Variants in DIXDC1 observed in about 807,000 individuals in gnomAD.
DIXDC1 encodes dixin.
A neutral mutation model predicts 103.1 loss-of-function variants in DIXDC1; 64 were observed. The ratio of observed to expected loss-of-function variants is 0.62; its 90% CI spans 0.51 to 0.76. The LOEUF is 0.76. Among genes scored for constraint, DIXDC1 ranks in the 30% least tolerant of loss-of-function variants. The pLI is 0.00. For missense variants in DIXDC1, 759 were observed against 834.2 expected, an observed-to-expected ratio of 0.91 and a Z score of 1.11; for synonymous variants, 266 against 298.5, an observed-to-expected ratio of 0.89 and a Z score of 1.12.
intron 2 of DIXDC1, among the ~76,000 whole-genome samples, chr11:111,967,768 T>G (rs1859786915): frequency 6.6e-6 from 1 of 152,250 alleles, no homozygotes; most frequent in Non-Finnish European, 1.5e-5. Context: ...AACCAGATTA[T>G]GTCACTCCCT....
intron 1 of DIXDC1, among the ~76,000 whole-genome samples, chr11:111,942,278 G>A (rs1555168941): frequency 6.6e-6 from 1 of 152,214 alleles, no homozygotes; most frequent in East Asian, 1.9e-4. Flanking sequence ...ATGTGGAGCA[G>A]TGATAGGGCA....
Position 112,017,910 on chromosome 11 carries a change from A to G in DIXDC1, c.1971+25A>G, listed in dbSNP as rs1438425100. On this transcript the variant is annotated intron_variant, in intron 19 of 19. Transcript: ENST00000440460. This position sits in a 1 kb window ranked among gnomAD's most constrained non-coding sequence, Gnocchi z 4.0. ...GGTAAAGAATCTGTGGGGAGTCTGTATGGTATTATTGGTCCTTTCTGAACC... is the reference window on the plus strand; with the variant it reads ...GGTAAAGAATCTGTGGGGAGTCTGTGTGGTATTATTGGTCCTTTCTGAACC... 7 of 1,567,594 alleles carry G rather than the reference A, an allele frequency of 4.5e-6. No individual in the cohort carries two copies. The highest frequency in any genetic ancestry group is 6.1e-6 in the Non-Finnish European group (7 of 1,148,588).
chr11:111,968,595 T>C lies in DIXDC1; in HGVS notation c.273T>C (p.Phe91=). The change falls in exon 3 of 20, where the codon TTT becomes TTC. Residue 91 remains phenylalanine, a synonymous_variant. Transcript: ENST00000440460. The part of the protein sequence containing the change: ...MKNNVEKVLQ[F]VASKKIRMHQ... ...ATAATGTGGAGAAAGTGCTACAGTT[T>C]GTGGCCTCTAAAAAGATTCGTATGC... The C allele has an allele frequency of 6.2e-7, 1 of 1,612,062 alleles. No homozygotes were observed. The highest frequency in any genetic ancestry group is 8.5e-7 in the Non-Finnish European group (1 of 1,179,048).
chr11:111,968,662 GT>G (rs1859813362), intron 3 of DIXDC1, 24 bp downstream of exon 3: 1 of 1,597,894 alleles, frequency 6.3e-7, no homozygotes, highest in Admixed American at 1.7e-5. Context: ...CACATCCTTG[GT>G]GCATGAGTAT....
chr11:111,994,400 C>CATATAT lies in DIXDC1; in HGVS notation c.1438-610_1438-605dup, dbSNP rs587665197. Among the ~76,000 whole-genome samples the CATATAT allele has an allele frequency of 6.8e-3, 1,022 of 149,988 alleles. 5 individuals are homozygous for CATATAT. Among genetic ancestry groups the CATATAT allele is most frequent in the Middle Eastern group, 0.052 (15 of 286 alleles). On this transcript the variant is annotated intron_variant, in intron 14 of 19. Transcript: ENST00000440460. Reference sequence around the variant, plus strand: ...AAAAAACAAAACAAAACAAAACATACATATATATATATATTCATACATACA... The same window carrying CATATAT: ...AAAAAACAAAACAAAACAAAACATACATATATATATATATATATATTCATACATACA...
intron 2 of DIXDC1, among the ~76,000 whole-genome samples, chr11:111,930,500 A>G (rs1965975292): frequency 6.6e-6 from 1 of 152,184 alleles, no homozygotes; most frequent in Non-Finnish European, 1.5e-5. Flanking sequence ...AATTTTTAAC[A>G]TGCGATCATA....
chr11:111,982,232 G>A, intron 6 of DIXDC1, 107 bp from the exon 7 acceptor site: 1 of 1,281,918 alleles, frequency 7.8e-7, no homozygotes, highest in Admixed American at 2.6e-5. Flanking sequence ...ATGAGAACAG[G>A]TTCAGAACGC....
Position 111,995,457 on chromosome 11 carries a change from A to G in DIXDC1, c.1582A>G (p.Ser528Gly). 2.5e-6 allele frequency: 4 copies of G among 1,613,864 alleles called. No individual in the cohort carries two copies. Among genetic ancestry groups the G allele is most frequent in the Non-Finnish European group, 3.4e-6 (4 of 1,179,888 alleles). ...DALRSLRNSF[S>G]GHDPQHHTID... ...TCTCCGCAGCCTGCGCAACAGCTTC[A>G]GTGGCCACGATCCTCAGCACCACAC... Residue 528 changes from serine (S) to glycine (G), a missense_variant, in exon 16 of 20, where the codon AGT becomes GGT. Ser to Gly is a moderately conservative substitution (Grantham distance 56). Coordinates refer to ENST00000440460, the MANE Select transcript of DIXDC1 (RefSeq NM_001037954.4).
chr11:111,971,701 AGTG>A (rs1265806423), intron 3 of DIXDC1, among the ~76,000 whole-genome samples: 29 of 150,824 alleles, frequency 1.9e-4, no homozygotes, highest in African/African-American at 6.9e-4. Context: ...TCAACAGTGC[AGTG>A]AATAAATAAA....
chr11:112,005,118 A>T (rs1555176462), intron 17 of DIXDC1, among the ~76,000 whole-genome samples: 1 of 152,240 alleles, frequency 6.6e-6, no homozygotes, highest in Non-Finnish European at 1.5e-5. Context: ...TGTAGTGAAA[A>T]TGTTGATAAC....
chr11:111,987,120 C>T (rs1355430345), intron 9 of DIXDC1, among the ~76,000 whole-genome samples, 196 bp downstream of exon 9: 1 of 151,884 alleles, frequency 6.6e-6, no homozygotes, highest in Non-Finnish European at 1.5e-5. Flanking sequence ...TGTGCTGGCA[C>T]ACGTCTGTAG....
chr11:111,936,690 T>G (rs184583568), upstream of DIXDC1, among the ~76,000 whole-genome samples: 993 of 152,314 alleles, frequency 6.5e-3, 9 homozygotes, highest in Non-Finnish European at 7.9e-3. Context: ...CTTTCTTATT[T>G]CTTTCCCTTC....
rs1162050196 is a variant in DIXDC1, at chr11:112,017,717, A to C, written c.1863-60A>C. ...GCAGGGGGCTGTGTTTAAAGTTAACATCTTATCTTTCCAGCTATTGATCAA... is the reference window on the plus strand; with the variant it reads ...GCAGGGGGCTGTGTTTAAAGTTAACCTCTTATCTTTCCAGCTATTGATCAA... On this transcript the variant is annotated intron_variant, in intron 18 of 19. Coordinates refer to ENST00000440460, the MANE Select transcript of DIXDC1 (RefSeq NM_001037954.4). This position sits in a 1 kb window ranked among gnomAD's most constrained non-coding sequence, Gnocchi z 4.0. 3.5e-6 allele frequency: 5 copies of C among 1,430,540 alleles called. No individual in the cohort carries two copies. The African/African-American group carries it at 7.0e-5, about 20-fold the overall frequency. The allele number at this position is 1,430,540 out of a possible 1,614,324, so 88.6% of individuals were successfully genotyped here. A position where few individuals can be genotyped will look rare whatever the true frequency, so the allele number is the denominator to read the frequency against.
At chr11:112,009,319 C>G (rs1283490477) in intron 17 of DIXDC1, among the ~76,000 whole-genome samples, 3 of 152,054 alleles carry the variant, frequency 2.0e-5, no homozygotes, top group Non-Finnish European at 4.4e-5. Context: ...TAATTAATAG[C>G]CTACCAACCA....
At chr11:111,990,081 C>T (rs376396968) in intron 10 of DIXDC1, among the ~76,000 whole-genome samples, 34 of 145,678 alleles carry the variant, frequency 2.3e-4, no homozygotes, top group African/African-American at 7.8e-4. Context: ...TGAGCCACCG[C>T]GCCCGGCCTT....
chr11:112,007,680 A>G (rs1033357439), intron 17 of DIXDC1, among the ~76,000 whole-genome samples: 9 of 152,246 alleles, frequency 5.9e-5, no homozygotes, highest in African/African-American at 1.2e-4. Context: ...AGAGTTTTCA[A>G]CGCAAAATTT....
chr11:111,999,285 A>G (rs1860993229), intron 17 of DIXDC1, among the ~76,000 whole-genome samples: 1 of 152,240 alleles, frequency 6.6e-6, no homozygotes. Flanking sequence ...GATTTAAAAT[A>G]AAACAGTAGA....
At chr11:111,951,402 A>G (rs1592555305) in intron 1 of DIXDC1, among the ~76,000 whole-genome samples, 1 of 152,334 alleles carries the variant, frequency 6.6e-6, no homozygotes, top group South Asian at 2.1e-4. Flanking sequence ...ATAAATATGT[A>G]CACCTACTGT....
intron 17 of DIXDC1, among the ~76,000 whole-genome samples, chr11:112,009,039 A>T (rs1475163041): frequency 6.6e-6 from 1 of 152,216 alleles, no homozygotes; most frequent in Non-Finnish European, 1.5e-5. Flanking sequence ...GAAGGGATCA[A>T]CAAAACTGAT....
Sources: allele counts gnomAD v4.1 joint callset (sites outside exome capture counted in the v4.1 genomes callset), GRCh38; gene constraint gnomAD v4.1.1; non-coding constraint Gnocchi (gnomAD v3.1); transcripts MANE v1.5; gene names NCBI Gene and HGNC (gene_info 2026-07-23, HGNC 2026-07-21).